The following ADAM9 variants were observed in gnomAD, a reference collection of about 807,000 sequenced individuals.
The protein encoded by ADAM9 is disintegrin and metalloproteinase domain-containing protein 9.
A neutral mutation model predicts 108.1 loss-of-function variants in ADAM9; 54 were observed. The ratio of observed to expected loss-of-function variants is 0.50; its 90% confidence interval spans 0.40 to 0.63. The LOEUF (loss-of-function observed/expected upper bound fraction) is 0.63, where lower values mean the gene tolerates loss of function less well. Ranked by LOEUF, ADAM9 falls within the 20% of genes least tolerant of loss-of-function variation. The pLI is 0.00. For missense variants in ADAM9, 830 were observed against 997.7 expected (o/e 0.83, Z 2.26); for synonymous variants, 316 against 336.0 (o/e 0.94, Z 0.65).
intron 15 of ADAM9, among the ~76,000 whole-genome samples, chr8:39,072,883 C>G (rs977785015): frequency 1.3e-5 from 2 of 152,088 alleles, no homozygotes; most frequent in African/African-American, 2.4e-5. Flanking sequence ...TCCTTTGACT[C>G]GTGTTATTGA....
intron 7 of ADAM9, 92 bp from the exon 8 acceptor site, chr8:39,021,551 T>C: frequency 8.6e-7 from 1 of 1,168,716 alleles, no homozygotes. Context: ...CTCAAAATGC[T>C]AGAATTACAG....
In ADAM9 at chr8:39,017,310, G is replaced by A. The variant is rs1836566372; in HGVS notation, c.502G>A (p.Val168Ile). 6.2e-7 allele frequency: 1 copy of A among 1,614,132 alleles called. No homozygotes were observed. The highest frequency in any genetic ancestry group is 2.2e-5 in the East Asian group (1 of 44,870). ...FEHIIYRMDD[V>I]YKEPLKCGVS... ...GCACATCATTTATCGAATGGATGAT[G>A]TCTACAAAGAGCCTCTGAAATGTGG... Residue 168 changes from valine (V) to isoleucine (I), a missense_variant, in exon 6 of 22, where the codon GTC becomes ATC. Around this residue, in one of 3 missense-constraint regions of ADAM9, gnomAD observed 211 missense variants for 222.2 expected, o/e 0.95. Coordinates refer to ENST00000487273, the MANE Select transcript of ADAM9 (RefSeq NM_003816.3).
intron 16 of ADAM9, among the ~76,000 whole-genome samples, chr8:39,082,315 A>G (rs966967315): frequency 1.3e-5 from 2 of 152,134 alleles, no homozygotes; most frequent in African/African-American, 4.8e-5. Context: ...AACTCTATCT[A>G]GTTACTTTTG....
chr8:39,089,063 C>T (rs1839265616), intron 18 of ADAM9, among the ~76,000 whole-genome samples: 3 of 152,116 alleles, frequency 2.0e-5, no homozygotes, highest in Non-Finnish European at 4.4e-5. Flanking sequence ...TCCTGGCCAA[C>T]ATGGTGAAAC....
chr8:39,090,095 T>G lies in ADAM9; in HGVS notation c.2117T>G (p.Ile706Ser), dbSNP rs1382100280. The G allele has an allele frequency of 6.2e-7, 1 of 1,613,974 alleles. No homozygotes were observed. Among genetic ancestry groups the G allele is most frequent in the Non-Finnish European group, 8.5e-7 (1 of 1,179,932 alleles). ...GGACTTCTGGTCTTCTTCTTCCTAA[T>G]TGTTCCCCTTATTGTCTGTGCTATT... ...RDGLLVFFFL[I>S]VPLIVCAIFI... Residue 706 changes from isoleucine (I) to serine (S), a missense_variant, in exon 19 of 22, where the codon ATT (isoleucine) becomes AGT (serine). Coordinates refer to ENST00000487273, the MANE Select transcript of ADAM9 (RefSeq NM_003816.3).
intron 14 of ADAM9, among the ~76,000 whole-genome samples, chr8:39,067,052 A>C (rs1006582679): frequency 2.7e-4 from 41 of 152,312 alleles, no homozygotes; most frequent in African/African-American, 9.4e-4. Context: ...TTCAAAGATC[A>C]GATGGTTGTA....
rs538069748 is a variant in ADAM9 at position 39,004,832 on chromosome 8, T to G, written c.98-3054T>G. ...CTTTTAGCATGCTAATGTATTATAA[T>G]TAGCATATAATGAGCAGTGAGGACG... On this transcript the variant is annotated intron_variant, in intron 1 of 21. Coordinates refer to ENST00000487273, the MANE Select transcript of ADAM9 (RefSeq NM_003816.3). Among the ~76,000 whole-genome samples, 5 of 152,326 alleles carry G rather than the reference T, an allele frequency of 3.3e-5. No individual in the cohort carries two copies. The South Asian group carries it at 8.3e-4, about 25-fold the overall frequency.
chr8:39,032,966 A>G (rs747377777), intron 11 of ADAM9, among the ~76,000 whole-genome samples: 3 of 152,174 alleles, frequency 2.0e-5, no homozygotes, highest in African/African-American at 4.8e-5. Flanking sequence ...TCCACAAACT[A>G]ATTTGCTGGG....
intron 18 of ADAM9, among the ~76,000 whole-genome samples, chr8:39,088,602 T>C (rs1839249664): frequency 6.6e-6 from 1 of 152,176 alleles, no homozygotes; most frequent in Non-Finnish European, 1.5e-5. Flanking sequence ...TTTTACAAAC[T>C]TAAAATTATG....
At chr8:39,023,374 A>T in intron 9 of ADAM9, 49 bp downstream of exon 9, 3 of 1,518,120 alleles carry the variant, frequency 2.0e-6, no homozygotes, top group East Asian at 4.9e-5. Context: ...CAAAATAATA[A>T]TTTTTGCTTA....
chr8:39,014,377 G>A, intron 4 of ADAM9: 1 of 550,894 alleles, frequency 1.8e-6, no homozygotes, highest in Non-Finnish European at 3.2e-6. Flanking sequence ...ATCTCTAAAA[G>A]TGCACTTATT....
At chr8:39,091,225 C>T (rs757080985) in intron 19 of ADAM9, 34 bp from the exon 20 acceptor site, 2 of 1,583,618 alleles carry the variant, frequency 1.3e-6, no homozygotes, top group African/African-American at 1.3e-5. Context: ...ATGTTTTTAT[C>T]TTAATTTAGA....
chr8:39,053,457 C>T (rs1838019925), intron 12 of ADAM9, among the ~76,000 whole-genome samples: 1 of 152,108 alleles, frequency 6.6e-6, no homozygotes, highest in Non-Finnish European at 1.5e-5. Flanking sequence ...CATTTAGTTC[C>T]ATGATGCATT....
At chr8:39,048,005 C>A (rs946671989) in intron 12 of ADAM9, among the ~76,000 whole-genome samples, 1 of 151,670 alleles carries the variant, frequency 6.6e-6, no homozygotes, top group African/African-American at 2.4e-5. Context: ...ATTGCAACCT[C>A]CACCTCCTGG....
At chr8:39,036,237 A>C (rs974168165) in intron 11 of ADAM9, among the ~76,000 whole-genome samples, 48 of 152,152 alleles carry the variant, frequency 3.2e-4, no homozygotes, top group African/African-American at 9.6e-4. Context: ...TCTTCCTGGG[A>C]GGTGCCTTTC....
At chr8:39,014,180 C>T in intron 4 of ADAM9, 137 bp downstream of exon 4, 2 of 740,258 alleles carry the variant, frequency 2.7e-6, no homozygotes, top group Non-Finnish European at 4.7e-6. Context: ...TATGGGTTAT[C>T]TTGGGAAAAG....
intron 6 of ADAM9, 159 bp from the exon 7 acceptor site, chr8:39,018,694 A>T: frequency 1.4e-6 from 1 of 704,168 alleles, no homozygotes; most frequent in Non-Finnish European, 2.5e-6. Context: ...AGCAGATAAC[A>T]CTTCAAAAAA....
At chr8:39,021,896 G>A (rs1055602160) in intron 8 of ADAM9, among the ~76,000 whole-genome samples, 182 bp downstream of exon 8, 1 of 152,190 alleles carries the variant, frequency 6.6e-6, no homozygotes, top group African/African-American at 2.4e-5. Flanking sequence ...AAGTACCAGT[G>A]TAGAAAGACT....
intron 16 of ADAM9, 37 bp downstream of exon 16, chr8:39,077,448 A>C: frequency 6.6e-7 from 1 of 1,519,388 alleles, no homozygotes; most frequent in Non-Finnish European, 8.9e-7. Flanking sequence ...AGTAAAATGA[A>C]AAAAATTAAA....
Sources: gnomAD v4.1 joint callset for allele counts (sites outside exome capture counted in the v4.1 genomes callset) on GRCh38, gnomAD v4.1.1 for gene constraint, gnomAD v4.1.1 regional missense constraint, MANE v1.5 for transcripts, NCBI Gene and HGNC (gene_info 2026-07-23, HGNC 2026-07-21) for gene names.